Variants in CENPP observed in about 807,000 individuals in gnomAD.
The protein encoded by CENPP is centromere protein P.
In CENPP, 24 loss-of-function variants were observed where a neutral mutation model predicts 35.6. The observed-to-expected ratio is 0.67, with a 90% CI of 0.49 to 0.95. The LOEUF (loss-of-function observed/expected upper bound fraction) is 0.95, where lower values mean the gene tolerates loss of function less well. CENPP is among the 40% of genes least tolerant of loss of function. The pLI, the probability that CENPP is intolerant of heterozygous loss-of-function variation, is 0.00. For missense variants in CENPP, 332 were observed against 345.3 expected, an observed-to-expected ratio of 0.96 and a Z score of 0.31; for synonymous variants, 120 against 125.5, an observed-to-expected ratio of 0.96 and a Z score of 0.29.
chr9:92,552,977 C>CT (rs1048554791), intron 5 of CENPP, among the ~76,000 whole-genome samples: 119 of 148,152 alleles, frequency 8.0e-4, no homozygotes, highest in African/African-American at 2.9e-3. Context: ...TATTATTTTT[C>CT]TTTTTTTTAA....
chr9:92,467,121 T>A (rs558043578), intron 5 of CENPP, among the ~76,000 whole-genome samples: 1 of 152,220 alleles, frequency 6.6e-6, no homozygotes, highest in Non-Finnish European at 1.5e-5. Flanking sequence ...TAGTAATGGA[T>A]CCTGAGAAAT....
intron 5 of CENPP, chr9:92,470,777 C>A: frequency 6.5e-7 from 1 of 1,547,456 alleles, no homozygotes; most frequent in South Asian, 1.2e-5. Context: ...GGACTGAGGT[C>A]AAACCTTAGA....
chr9:92,345,476 G>A (rs1299972116), intron 3 of CENPP, among the ~76,000 whole-genome samples: 2 of 142,962 alleles, frequency 1.4e-5, no homozygotes, highest in African/African-American at 5.2e-5. Flanking sequence ...TGGTGACAGA[G>A]CAAGACTCCG....
chr9:92,542,372 G>C lies in CENPP; in HGVS notation c.565-68942G>C, dbSNP rs1006701635. On this transcript the variant is annotated intron_variant, in intron 5 of 7. Transcript: ENST00000375587. Reference sequence around the variant, plus strand: ...CCTTAACTCTGTTGTTTCGTTTACTGTGTAGATATTTCTTAATTTGATGTA... The same window carrying C: ...CCTTAACTCTGTTGTTTCGTTTACTCTGTAGATATTTCTTAATTTGATGTA... 2.0e-5 allele frequency among the ~76,000 whole-genome samples: 3 copies of C among 152,098 alleles called. No homozygotes were observed. The East Asian group carries it at 5.8e-4, about 29-fold the overall frequency.
chr9:92,589,823 AT>A (rs1444212018), intron 5 of CENPP, among the ~76,000 whole-genome samples: 7 of 152,192 alleles, frequency 4.6e-5, no homozygotes, highest in African/African-American at 1.7e-4. Flanking sequence ...AAACTACTTT[AT>A]CTTACAAAGT....
chr9:92,524,136 C>G (rs1009211737), intron 5 of CENPP, among the ~76,000 whole-genome samples: 10 of 152,180 alleles, frequency 6.6e-5, no homozygotes, highest in African/African-American at 2.4e-4. Context: ...TAATCCACAA[C>G]CCATTTTCCC....
At position 92,571,867 on chromosome 9, in the gene CENPP, T is replaced by C. The variant is rs546553467; in HGVS notation, c.565-39447T>C. Among the ~76,000 whole-genome samples, 9 of 152,130 alleles carry C rather than the reference T, an allele frequency of 5.9e-5. No homozygotes were observed. In the South Asian group the frequency reaches 1.0e-3, roughly 18 times the overall value. On this transcript the variant is annotated intron_variant, in intron 5 of 7. Coordinates refer to ENST00000375587, the MANE Select transcript of CENPP (RefSeq NM_001012267.3). ...CTTTGTCTCTTTTGACCTTTGTTGG[T>C]TTAAAGTCTGTTTTATCAGCAACTA...
intron 5 of CENPP, among the ~76,000 whole-genome samples, chr9:92,410,347 C>A (rs923187972): frequency 6.6e-6 from 1 of 152,104 alleles, no homozygotes; most frequent in Non-Finnish European, 1.5e-5. Context: ...AGCTAGAGGA[C>A]GTGGGATGCA....
intron 5 of CENPP, among the ~76,000 whole-genome samples, chr9:92,540,435 CAAAA>C (rs35325216): frequency 8.5e-6 from 1 of 117,694 alleles, no homozygotes; most frequent in African/African-American, 3.0e-5. Flanking sequence ...GAGACTGTCT[CAAAA>C]AAAAAAAAAA....
chr9:92,355,677 A>G (rs560128452), intron 4 of CENPP, among the ~76,000 whole-genome samples: 1 of 152,362 alleles, frequency 6.6e-6, no homozygotes, highest in African/African-American at 2.4e-5. Flanking sequence ...CTAAAAAAAG[A>G]ATAGCTTAAG....
chr9:92,396,914 A>G (rs10992322), intron 5 of CENPP, among the ~76,000 whole-genome samples: 67,493 of 151,916 alleles, frequency 0.44, 17,265 homozygotes, highest in African/African-American at 0.7. Flanking sequence ...AATGGCTCAT[A>G]TATGTAATCT....
In CENPP at chr9:92,613,940, A is replaced by G. The variant is rs373378181; in HGVS notation, c.*791A>G. 1.5e-4 allele frequency: 23 copies of G among 152,384 alleles called. No homozygotes were observed. The highest frequency in any genetic ancestry group is 5.5e-4 in the African/African-American group (23 of 41,576). The allele number at this position is 152,384 out of a possible 1,614,324, so 9.4% of individuals were successfully genotyped here. ...CCAGTCAGGGCCGTCATGACTACGCAGCAGCAGCAGTTTCCAAGACGGGCC... is the reference window on the plus strand; with the variant it reads ...CCAGTCAGGGCCGTCATGACTACGCGGCAGCAGCAGTTTCCAAGACGGGCC... On this transcript the variant is annotated 3_prime_UTR_variant, in exon 8 of 8. Transcript: ENST00000375587.
intron 5 of CENPP, among the ~76,000 whole-genome samples, chr9:92,584,885 T>C (rs1424466305): frequency 6.6e-6 from 1 of 152,254 alleles, no homozygotes; most frequent in Non-Finnish European, 1.5e-5. Flanking sequence ...TGTACATTCG[T>C]ACATTCATGA....
intron 4 of CENPP, among the ~76,000 whole-genome samples, chr9:92,365,068 T>A (rs1323195752): frequency 2.6e-5 from 4 of 152,184 alleles, no homozygotes; most frequent in Admixed American, 2.6e-4. Flanking sequence ...TCGTTGTGCT[T>A]AATATGTAGC....
At chr9:92,367,206 T>G (rs867495580) in intron 4 of CENPP, among the ~76,000 whole-genome samples, 3 of 152,148 alleles carry the variant, frequency 2.0e-5, no homozygotes, top group Non-Finnish European at 2.9e-5. Flanking sequence ...TCACTCTGTC[T>G]CCCAGGCTGG....
chr9:92,389,273 A>T (rs1842569813), intron 5 of CENPP, among the ~76,000 whole-genome samples: 1 of 152,186 alleles, frequency 6.6e-6, no homozygotes, highest in Non-Finnish European at 1.5e-5. Flanking sequence ...ACCTAAACCG[A>T]AGTAGATTAC....
Position 92,372,099 on chromosome 9 carries a change from CTTTTTTTTTTTTTTTTTT to C in CENPP, c.468-7649_468-7632del, listed in dbSNP as rs71362382. Among the ~76,000 whole-genome samples, 81 of 30,696 alleles carry C rather than the reference CTTTTTTTTTTTTTTTTTT, an allele frequency of 2.6e-3. 1 individual carries two copies. The highest frequency in any genetic ancestry group is 0.01 in the African/African-American group (75 of 7,228). 20.1% of individuals were successfully genotyped at this position (30,696 alleles called of 152,430 possible). On this transcript the variant is annotated intron_variant, in intron 4 of 7. Coordinates refer to ENST00000375587, the MANE Select transcript of CENPP (RefSeq NM_001012267.3). The stretch of plus-strand genomic sequence containing the variant: ...AGGTGTAAGCCACCATGCCAGCCAT[CTTTTTTTTTTTTTTTTTT>C]TTTTTTTTTTTTTTAACTGTTCTTG...
intron 5 of CENPP, among the ~76,000 whole-genome samples, chr9:92,504,378 C>T (rs938525931): frequency 1.3e-5 from 2 of 152,192 alleles, no homozygotes; most frequent in Non-Finnish European, 2.9e-5. Context: ...TCTTTTCTGG[C>T]TTGCTGGGGC....
intron 5 of CENPP, among the ~76,000 whole-genome samples, chr9:92,471,279 C>A (rs1042796359): frequency 6.6e-6 from 1 of 151,798 alleles, no homozygotes; most frequent in African/African-American, 2.4e-5. Flanking sequence ...TCACTGCAAC[C>A]TCGGCCTCCC....
Sources: allele counts gnomAD v4.1 joint callset (sites outside exome capture counted in the v4.1 genomes callset), GRCh38; gene constraint gnomAD v4.1.1; transcripts MANE v1.5; gene names NCBI Gene and HGNC (gene_info 2026-07-23, HGNC 2026-07-21).